CLCA4: variants seen among roughly 807,000 people sequenced by gnomAD.
CLCA4 encodes the protein chloride channel accessory 4.
A neutral mutation model predicts 78.9 loss-of-function variants in CLCA4; 69 were observed. That is an observed-to-expected ratio of 0.87 (90% CI 0.72 to 1.07). The LOEUF is 1.07. CLCA4 is among the 50% of genes least tolerant of loss of function. CLCA4 has a pLI of 0.00. For missense variants in CLCA4, 1,133 were observed against 1,095.8 expected (o/e 1.03, Z -0.48); for synonymous variants, 362 against 375.8 (o/e 0.96, Z 0.42).
chr1:86,571,391 C>A, intron 8 of CLCA4, 137 bp downstream of exon 8: 2 of 694,494 alleles, frequency 2.9e-6, no homozygotes, highest in Non-Finnish European at 4.6e-6. Context: ...GTTCTCGTGG[C>A]ACTTGGAGTC....
At chr1:86,552,947 C>G in intron 1 of CLCA4, 1 of 639,662 alleles carries the variant, frequency 1.6e-6, no homozygotes, top group Non-Finnish European at 2.8e-6. Context: ...GGCGTCTGTG[C>G]TGAGGTGACT....
chr1:86,572,709 A>AG lies in CLCA4; in HGVS notation c.1456_1457insG (p.Lys486ArgfsTer8). 6.3e-7 allele frequency: 1 copy of AG among 1,584,262 alleles called. No individual in the cohort carries two copies. The highest frequency in any genetic ancestry group is 8.7e-7 in the Non-Finnish European group (1 of 1,153,044). ...ATCAGGAAATACTGATCTCTCCCAG[A>AG]AGTCCCTTCAGGTCAGAGTTCTCAT... On this transcript the variant is annotated frameshift_variant, in exon 9 of 14. Coordinates refer to ENST00000370563, the MANE Select transcript of CLCA4 (RefSeq NM_012128.4). LOFTEE classifies it high-confidence loss of function.
At chr1:86,568,128 C>T (rs1650253491) in intron 7 of CLCA4, among the ~76,000 whole-genome samples, 2 of 151,802 alleles carry the variant, frequency 1.3e-5, no homozygotes, top group Admixed American at 6.6e-5. Flanking sequence ...TAGGGTAAGC[C>T]ATACGAGTTA....
intron 1 of CLCA4, among the ~76,000 whole-genome samples, chr1:86,550,927 G>T (rs968580517): frequency 1.2e-4 from 18 of 149,108 alleles, no homozygotes; most frequent in Non-Finnish European, 7.4e-5. Flanking sequence ...CGCCTCCCAC[G>T]TTCACGCCAT....
intron 1 of CLCA4, 140 bp from the exon 2 acceptor site, chr1:86,559,792 G>A (rs1649958566): frequency 1.5e-6 from 1 of 672,202 alleles, no homozygotes; most frequent in Admixed American, 2.8e-5. Flanking sequence ...GGCAGAGTTA[G>A]AATAATGAGA....
chr1:86,568,784 C>T (rs1455285823), intron 7 of CLCA4, among the ~76,000 whole-genome samples: 1 of 151,882 alleles, frequency 6.6e-6, no homozygotes, highest in Non-Finnish European at 1.5e-5. Flanking sequence ...AAAATTCTAC[C>T]AACCCTTCAA....
chr1:86,561,269 T>C (rs1450490252), intron 3 of CLCA4, among the ~76,000 whole-genome samples: 2 of 152,218 alleles, frequency 1.3e-5, no homozygotes, highest in Non-Finnish European at 2.9e-5. Context: ...TTAGTTATAC[T>C]TTCTTTTCAC....
intron 3 of CLCA4, among the ~76,000 whole-genome samples, chr1:86,563,332 A>AT (rs1175591778): frequency 5.3e-5 from 8 of 151,810 alleles, no homozygotes; most frequent in Non-Finnish European, 8.8e-5. Context: ...CATGGTTATA[A>AT]TTTGGAGAAC....
rs540143125 is a variant in CLCA4, at chr1:86,564,294, G to T, written c.557+525G>T. On this transcript the variant is annotated intron_variant, in intron 4 of 13. Transcript: ENST00000370563. ...AAGAATCAATTTAAAATTAAAATTG[G>T]TGCTATCACCTCATCAATGTAGATG... 2.6e-5 allele frequency among the ~76,000 whole-genome samples: 4 copies of T among 152,206 alleles called. No individual in the cohort carries two copies. In the South Asian group the frequency reaches 8.3e-4, roughly 32 times the overall value.
At chr1:86,551,978 T>C (rs1451164519) in intron 1 of CLCA4, among the ~76,000 whole-genome samples, 1 of 152,080 alleles carries the variant, frequency 6.6e-6, no homozygotes, top group African/African-American at 2.4e-5. Flanking sequence ...TGGAGAAGTA[T>C]TGCACGCACA....
rs1274470777 is a variant in CLCA4 at position 86,565,826 on chromosome 1, A to G, written c.760A>G (p.Thr254Ala). The G allele has an allele frequency of 6.5e-7, 1 of 1,538,648 alleles. No individual in the cohort carries two copies. Among genetic ancestry groups the G allele is most frequent in the South Asian group, 1.3e-5 (1 of 77,778 alleles). Residue 254 changes from threonine (T) to alanine (A), a missense_variant, in exon 6 of 14, where the codon ACC becomes GCC. Transcript: ENST00000370563. ...DSVVEFCNEK[T>A]HNQEAPSLQN... ...GGTTGTTGAATTTTGTAACGAAAAAACCCATAATCAAGAAGCTCCAAGCCT... is the reference window on the plus strand; with the variant it reads ...GGTTGTTGAATTTTGTAACGAAAAAGCCCATAATCAAGAAGCTCCAAGCCT...
At chr1:86,552,731 C>T in intron 1 of CLCA4, 2 of 1,432,882 alleles carry the variant, frequency 1.4e-6, no homozygotes, top group South Asian at 1.1e-5. Flanking sequence ...TTCACAGGGG[C>T]CCGGCCCGGC....
At chr1:86,551,193 A>T (rs2101788386) in intron 1 of CLCA4, among the ~76,000 whole-genome samples, 1 of 152,236 alleles carries the variant, frequency 6.6e-6, no homozygotes, top group South Asian at 2.1e-4. Context: ...ACCAAATATT[A>T]ATAGTTTAGC....
chr1:86,568,995 T>G (rs992187377), intron 7 of CLCA4, among the ~76,000 whole-genome samples: 29 of 152,082 alleles, frequency 1.9e-4, no homozygotes, highest in African/African-American at 6.5e-4. Flanking sequence ...TAAAATAGGA[T>G]AATTAAAGCT....
At chr1:86,555,696 A>G (rs1308658748) in intron 1 of CLCA4, among the ~76,000 whole-genome samples, 1 of 152,114 alleles carries the variant, frequency 6.6e-6, no homozygotes, top group Non-Finnish European at 1.5e-5. Flanking sequence ...TTTTTATTCC[A>G]TATGAATTTT....
At chr1:86,565,718 A>C in intron 5 of CLCA4, 84 bp from the exon 6 acceptor site, 2 of 794,894 alleles carry the variant, frequency 2.5e-6, no homozygotes, top group Non-Finnish European at 3.8e-6. Context: ...TATCTGCAGA[A>C]GACTTTTAAA....
rs775266586 is a variant in CLCA4 at position 86,565,928 on chromosome 1, A to C, written c.862A>C (p.Met288Leu). 1.2e-4 allele frequency: 190 copies of C among 1,613,292 alleles called. 1 individual carries two copies. Among genetic ancestry groups the C allele is most frequent in the Non-Finnish European group, 1.5e-4 (180 of 1,179,412 alleles). ...TGAGGATTTTAAAAACACCATACCC[A>C]TGGTGACACCACCTCCTCCACCTGT... ...NSEDFKNTIP[M>L]VTPPPPPVFS... The change falls in exon 6 of 14, where the codon ATG becomes CTG. Residue 288 changes from methionine to leucine, a missense_variant. Coordinates refer to ENST00000370563, the MANE Select transcript of CLCA4 (RefSeq NM_012128.4).
At chr1:86,547,420 T>C (rs1649535718) in intron 1 of CLCA4, 142 bp downstream of exon 1, 2 of 597,876 alleles carry the variant, frequency 3.3e-6, no homozygotes, top group East Asian at 3.3e-5. Flanking sequence ...ATCAGGGTAA[T>C]TAGCATATTC....
rs1040125405 is a variant in CLCA4 at position 86,560,225 on chromosome 1, T to C, written c.315T>C (p.Val105=). The C allele has an allele frequency of 6.2e-7, 1 of 1,609,060 alleles. No individual in the cohort carries two copies. Among genetic ancestry groups the C allele is most frequent in the Non-Finnish European group, 8.5e-7 (1 of 1,178,620 alleles). The change falls in exon 3 of 14, where the codon GTT becomes GTC. Residue 105 remains valine (V), a synonymous_variant. Transcript: ENST00000370563. ...AACATTCTCAGGCTGATGTTATAGT[T>C]GCACCACCTACACTCCCAGGTAGAG... ...HENHKHADVI[V]APPTLPGRDE...
Sources: allele counts gnomAD v4.1 joint callset (sites outside exome capture counted in the v4.1 genomes callset), GRCh38; gene constraint gnomAD v4.1.1; transcripts MANE v1.5; gene names NCBI Gene and HGNC (gene_info 2026-07-23, HGNC 2026-07-21).